Variants in LARP1B observed in about 807,000 individuals in gnomAD.
LARP1B encodes La ribonucleoprotein 1B, also known as la-related protein 1B.
In LARP1B, 76 loss-of-function variants were observed where a neutral mutation model predicts 114.2. That is an observed-to-expected ratio of 0.67 (90% CI 0.55 to 0.81). The LOEUF is 0.81. Ranked by LOEUF, LARP1B falls within the 30% of genes least tolerant of loss-of-function variation. The pLI is 0.00. For synonymous variants in LARP1B, 345 were observed against 348.0 expected (o/e 0.99, Z 0.10); for missense variants, 1,014 against 1,075.8 (o/e 0.94, Z 0.80).
chr4:128,097,272 C>A (rs1200325977), intron 7 of LARP1B, among the ~76,000 whole-genome samples: 2 of 151,986 alleles, frequency 1.3e-5, no homozygotes, highest in Admixed American at 6.6e-5. Flanking sequence ...TATATATGTG[C>A]ACATATGCCT....
intron 15 of LARP1B, among the ~76,000 whole-genome samples, chr4:128,192,675 C>T (rs1027311652): frequency 1.3e-5 from 2 of 152,140 alleles, no homozygotes; most frequent in South Asian, 2.1e-4. Context: ...CCTGAAAAAC[C>T]GTAAGTGAAA....
chr4:128,169,026 G>T (rs1249916628), intron 12 of LARP1B, among the ~76,000 whole-genome samples: 1 of 151,856 alleles, frequency 6.6e-6, no homozygotes, highest in Non-Finnish European at 1.5e-5. Context: ...GTGAGCTTTT[G>T]TACCTATTGA....
intron 11 of LARP1B, among the ~76,000 whole-genome samples, chr4:128,140,811 G>T: frequency 8.5e-6 from 1 of 117,116 alleles, no homozygotes; most frequent in Non-Finnish European, 1.9e-5. Context: ...GTCAAGGTAG[G>T]TTAATTGTCT....
chr4:128,171,451 A>C (rs1743676403), intron 12 of LARP1B, among the ~76,000 whole-genome samples: 1 of 152,160 alleles, frequency 6.6e-6, no homozygotes, highest in Admixed American at 6.5e-5. Flanking sequence ...TTTATGTAAT[A>C]ATTGTCTTAT....
At chr4:128,214,287 G>A (rs1202947504), downstream of LARP1B, among the ~76,000 whole-genome samples, 1 of 148,412 alleles carries the variant, frequency 6.7e-6, no homozygotes, top group African/African-American at 2.5e-5. Context: ...AGCTCGAACT[G>A]GGTGGAGCCC....
At chr4:128,212,997 C>G (rs1483596134), downstream of LARP1B, among the ~76,000 whole-genome samples, 1 of 140,144 alleles carries the variant, frequency 7.1e-6, no homozygotes, top group Non-Finnish European at 1.5e-5. Flanking sequence ...CGTCTCACTG[C>G]AACTTCCACC....
At chr4:128,219,835 A>G (rs1759860346) in intron 6 of LARP1B, among the ~76,000 whole-genome samples, 1 of 151,820 alleles carries the variant, frequency 6.6e-6, no homozygotes, top group Non-Finnish European at 1.5e-5. Flanking sequence ...AAATAAATGG[A>G]ATTAGGAAGG....
intron 11 of LARP1B, among the ~76,000 whole-genome samples, chr4:128,154,429 C>T (rs1207675098): frequency 2.0e-5 from 3 of 152,076 alleles, no homozygotes; most frequent in Admixed American, 6.5e-5. Context: ...GTTCCTCACC[C>T]CCTTCAGGAT....
Position 128,198,891 on chromosome 4 carries a change from C to T in LARP1B, c.2004-548C>T, listed in dbSNP as rs1308874994. 1.3e-5 allele frequency among the ~76,000 whole-genome samples: 2 copies of T among 152,054 alleles called. 1 individual carries two copies. Among genetic ancestry groups the T allele is most frequent in the Middle Eastern group, 6.3e-3 (2 of 316 alleles). Reference sequence around the variant, plus strand: ...TTAGGTCTATATTTGAATTTGAGTGCAGATGAGAAGGAAAAGACAGATTTA... The same window carrying T: ...TTAGGTCTATATTTGAATTTGAGTGTAGATGAGAAGGAAAAGACAGATTTA... On this transcript the variant is annotated intron_variant, in intron 15 of 19. Coordinates refer to ENST00000326639, the MANE Select transcript of LARP1B (RefSeq NM_018078.4).
intron 12 of LARP1B, among the ~76,000 whole-genome samples, chr4:128,173,356 T>A (rs1744643979): frequency 6.6e-6 from 1 of 152,208 alleles, no homozygotes; most frequent in Non-Finnish European, 1.5e-5. Flanking sequence ...ATCTAACATT[T>A]GTAGGAAAAG....
chr4:128,104,590 A>C (rs1580431513), intron 8 of LARP1B, among the ~76,000 whole-genome samples: 1 of 151,840 alleles, frequency 6.6e-6, no homozygotes, highest in Non-Finnish European at 1.5e-5. Context: ...GATTACAGGC[A>C]CCCACCACCA....
chr4:128,117,232 C>G (rs951293119), intron 10 of LARP1B, among the ~76,000 whole-genome samples: 2 of 148,602 alleles, frequency 1.3e-5, no homozygotes, highest in African/African-American at 2.5e-5. Context: ...GAGACAGAGT[C>G]TTGCTCTTGT....
intron 9 of LARP1B, chr4:128,108,391 A>C: frequency 1.0e-6 from 1 of 987,368 alleles, no homozygotes; most frequent in Non-Finnish European, 1.2e-6. Flanking sequence ...ATGATGTTTC[A>C]CTTGGACATA....
chr4:128,128,596 T>C (rs1352628252), intron 11 of LARP1B, among the ~76,000 whole-genome samples: 2 of 152,176 alleles, frequency 1.3e-5, no homozygotes, highest in Non-Finnish European at 2.9e-5. Flanking sequence ...AAAAACAGAA[T>C]GGCTCACTGC....
chr4:128,088,947 G>C (rs1390990772), intron 5 of LARP1B, among the ~76,000 whole-genome samples: 2 of 152,016 alleles, frequency 1.3e-5, no homozygotes, highest in East Asian at 3.9e-4. Flanking sequence ...AACATAGTGA[G>C]AACTCATCTC....
intron 8 of LARP1B, among the ~76,000 whole-genome samples, chr4:128,101,844 C>G (rs1436892855): frequency 6.6e-6 from 1 of 151,992 alleles, no homozygotes; most frequent in Admixed American, 6.6e-5. Context: ...ACTCAGCTGC[C>G]GTTTTTTATG....
intron 12 of LARP1B, among the ~76,000 whole-genome samples, chr4:128,166,285 TA>T: frequency 6.6e-6 from 1 of 152,060 alleles, no homozygotes; most frequent in Non-Finnish European, 1.5e-5. Context: ...ATTGGAAAGT[TA>T]TATTCATATA....
intron 8 of LARP1B, among the ~76,000 whole-genome samples, chr4:128,102,646 A>G (rs1420081007): frequency 6.6e-6 from 1 of 152,188 alleles, no homozygotes; most frequent in Non-Finnish European, 1.5e-5. Flanking sequence ...TTTTTAGCTT[A>G]CTGCATTCTC....
intron 15 of LARP1B, among the ~76,000 whole-genome samples, chr4:128,191,526 G>C (rs1226100540): frequency 1.3e-5 from 2 of 152,166 alleles, no homozygotes; most frequent in South Asian, 2.1e-4. Flanking sequence ...ACAAACATTG[G>C]AGCACTGCCT....
Sources: allele counts gnomAD v4.1 joint callset (sites outside exome capture counted in the v4.1 genomes callset), GRCh38; gene constraint gnomAD v4.1.1; transcripts MANE v1.5; gene names NCBI Gene and HGNC (gene_info 2026-07-23, HGNC 2026-07-21).